Variants in PCDHA1 observed in about 807,000 individuals in gnomAD.
The protein encoded by PCDHA1 is protocadherin alpha 1.
PCDHA1 carries 42 observed loss-of-function variants against 61.3 expected under a neutral mutation model. The ratio of observed to expected loss-of-function variants is 0.69; its 90% CI spans 0.54 to 0.89. PCDHA1 has a LOEUF of 0.89. PCDHA1 is among the 40% of genes least tolerant of loss of function. The pLI is 0.00. For missense variants in PCDHA1, 1,256 were observed against 1,235.3 expected (o/e 1.02, Z -0.25); for synonymous variants, 610 against 553.8 (o/e 1.10, Z -1.43).
At chr5:140,807,570 A>G (rs1562210104) in intron 1 of PCDHA1, 2 of 1,614,162 alleles carry the variant, frequency 1.2e-6, no homozygotes, top group East Asian at 2.2e-5. Flanking sequence ...GACATTAACG[A>G]TAACCCGCCG....
chr5:140,840,052 T>C (rs1449998966), intron 1 of PCDHA1, among the ~76,000 whole-genome samples: 1 of 152,072 alleles, frequency 6.6e-6, no homozygotes, highest in Non-Finnish European at 1.5e-5. Flanking sequence ...GGAAGTCTAA[T>C]GTCTTGACAA....
chr5:140,823,501 G>C, intron 1 of PCDHA1: 1 of 1,613,364 alleles, frequency 6.2e-7, no homozygotes, highest in Non-Finnish European at 8.5e-7. Flanking sequence ...CGGCGGCGCA[G>C]TGAGCGAGCT....
intron 1 of PCDHA1, chr5:140,802,579 CG>C (rs1168536006): frequency 6.2e-7 from 1 of 1,613,788 alleles, no homozygotes; most frequent in Admixed American, 1.7e-5. Context: ...TCCGAGTACA[CG>C]GTGTTCGTGA....
At chr5:140,828,658 T>C (rs2150157728) in intron 1 of PCDHA1, 11 of 1,613,998 alleles carry the variant, frequency 6.8e-6, no homozygotes, top group Non-Finnish European at 3.4e-6. Flanking sequence ...GTGATGACAA[T>C]AAACAAATTG....
intron 1 of PCDHA1, chr5:140,803,194 T>A: frequency 6.2e-7 from 1 of 1,613,922 alleles, no homozygotes; most frequent in South Asian, 1.1e-5. Context: ...GCCACTGTGC[T>A]GGTGTCGCTG....
chr5:140,836,893 G>A (rs992802936), intron 1 of PCDHA1: 5 of 624,992 alleles, frequency 8.0e-6, no homozygotes, highest in Admixed American at 3.5e-5. Flanking sequence ...TTATTTGGAA[G>A]TACGTTTAAT....
At chr5:140,795,847 A>G in intron 1 of PCDHA1, 1 of 1,613,966 alleles carries the variant, frequency 6.2e-7, no homozygotes. Flanking sequence ...TAAGTTTACC[A>G]TAGATCCCAT....
At chr5:140,903,787 A>G (rs782220484) in intron 1 of PCDHA1, among the ~76,000 whole-genome samples, 10 of 152,174 alleles carry the variant, frequency 6.6e-5, no homozygotes, top group Non-Finnish European at 1.3e-4. Context: ...TAAACTATCT[A>G]TGGTTGTAAT....
At chr5:140,883,459 G>A in intron 1 of PCDHA1, 1 of 1,614,132 alleles carries the variant, frequency 6.2e-7, no homozygotes, top group Non-Finnish European at 8.5e-7. Context: ...CCTTCAAGCT[G>A]GTGTCCACCT....
chr5:140,878,516 G>C (rs2057626740), intron 1 of PCDHA1, among the ~76,000 whole-genome samples: 1 of 152,122 alleles, frequency 6.6e-6, no homozygotes, highest in African/African-American at 2.4e-5. Context: ...CAGTACAGTT[G>C]GTAACCAACT....
chr5:140,953,055 T>C (rs1389436711), intron 1 of PCDHA1, among the ~76,000 whole-genome samples: 3 of 152,178 alleles, frequency 2.0e-5, no homozygotes, highest in African/African-American at 7.2e-5. Flanking sequence ...CAATCACCTC[T>C]CACAGGCCCC....
intron 1 of PCDHA1, chr5:140,808,273 C>G: frequency 6.2e-7 from 1 of 1,614,232 alleles, no homozygotes; most frequent in Non-Finnish European, 8.5e-7. Flanking sequence ...TTAGAGAGGA[C>G]GCTCCACTGG....
chr5:140,822,420 T>A, intron 1 of PCDHA1: 1 of 1,614,088 alleles, frequency 6.2e-7, no homozygotes, highest in Non-Finnish European at 8.5e-7. Flanking sequence ...TTGCAACTGA[T>A]GGAGGAAAAC....
At chr5:140,851,158 C>G (rs2041978839) in intron 1 of PCDHA1, 1 of 1,299,046 alleles carries the variant, frequency 7.7e-7, no homozygotes, top group African/African-American at 1.5e-5. Context: ...ATTTCTGATG[C>G]TATGCTGCCA....
At chr5:140,870,273 C>G (rs1307506968) in intron 1 of PCDHA1, 3 of 1,614,192 alleles carry the variant, frequency 1.9e-6, no homozygotes, top group South Asian at 2.2e-5. Flanking sequence ...CGCTGACGCC[C>G]CACGTTCCCT....
rs533097473 is a variant in PCDHA1 at position 140,902,214 on chromosome 5, T to C, written c.2395-76735T>C. ...CTCTCTCTCTCTTTCTTTTTTTTTT[T>C]TTTTTTTGAGATGAGGACTTGCTTT... On this transcript the variant is annotated intron_variant, in intron 1 of 3. Coordinates refer to ENST00000504120, the MANE Select transcript of PCDHA1 (RefSeq NM_018900.4). Among the ~76,000 whole-genome samples the C allele has an allele frequency of 1.3e-3, 198 of 150,584 alleles. 6 individuals are homozygous for C. The South Asian group carries it at 0.04, about 30-fold the overall frequency.
intron 1 of PCDHA1, among the ~76,000 whole-genome samples, chr5:140,908,378 C>T (rs951348145): frequency 2.6e-5 from 4 of 152,126 alleles, no homozygotes; most frequent in Admixed American, 6.6e-5. Context: ...AGGACCTGCT[C>T]GAGCCCGATC....
chr5:140,891,433 G>A (rs1256174929), intron 1 of PCDHA1, among the ~76,000 whole-genome samples: 1 of 145,874 alleles, frequency 6.9e-6, no homozygotes, highest in African/African-American at 2.6e-5. Flanking sequence ...AGTCCCCAAC[G>A]TCCATTGTAT....
chr5:140,968,127 C>T (rs1217974732), intron 1 of PCDHA1: 7 of 1,614,064 alleles, frequency 4.3e-6, no homozygotes, highest in Non-Finnish European at 5.9e-6. Context: ...TCCCTGCGTA[C>T]ACTGAAGGTT....
Sources: allele counts gnomAD v4.1 joint callset (sites outside exome capture counted in the v4.1 genomes callset), GRCh38; gene constraint gnomAD v4.1.1; transcripts MANE v1.5; gene names NCBI Gene and HGNC (gene_info 2026-07-23, HGNC 2026-07-21).